TBC1D8: variants seen among roughly 807,000 people sequenced by gnomAD.
TBC1D8 encodes the protein TBC1 domain family member 8, also known as BUB2-like protein 1.
Under a neutral mutation model 118.8 loss-of-function variants are expected in TBC1D8, and 65 were observed. The observed-to-expected ratio is 0.55, with a 90% CI of 0.45 to 0.67. The LOEUF (loss-of-function observed/expected upper bound fraction) is 0.67. Among genes scored for constraint, TBC1D8 ranks in the 30% least tolerant of loss-of-function variants. TBC1D8 has a pLI of 0.00. For missense variants in TBC1D8, 1,376 were observed against 1,471.2 expected (o/e 0.94, Z 1.06); for synonymous variants, 566 against 595.8 (o/e 0.95, Z 0.73).
At chr2:101,071,634 C>A (rs1402028604) in intron 2 of TBC1D8, among the ~76,000 whole-genome samples, 3 of 151,954 alleles carry the variant, frequency 2.0e-5, no homozygotes, top group Non-Finnish European at 4.4e-5. Context: ...GAGTAGTAAA[C>A]AATGGAGAAA....
chr2:101,035,711 G>A (rs1381909464), intron 9 of TBC1D8, among the ~76,000 whole-genome samples: 1 of 152,134 alleles, frequency 6.6e-6, no homozygotes, highest in Non-Finnish European at 1.5e-5. Flanking sequence ...CACTTCCAGG[G>A]GGTTCTGAAT....
chr2:101,025,442 GT>G (rs1680285007), intron 15 of TBC1D8, among the ~76,000 whole-genome samples: 1 of 152,166 alleles, frequency 6.6e-6, no homozygotes, highest in Non-Finnish European at 1.5e-5. Flanking sequence ...GGCCAAGCTG[GT>G]CTTGAACTGC....
chr2:101,033,340 C>T (rs891885599), intron 10 of TBC1D8: 12 of 693,762 alleles, frequency 1.7e-5, no homozygotes, highest in Non-Finnish European at 2.6e-5. Flanking sequence ...GTCTCGATCT[C>T]CTGACCTCAT....
At chr2:101,012,625 CA>C (rs71378138) in intron 17 of TBC1D8, among the ~76,000 whole-genome samples, 8,330 of 135,090 alleles carry the variant, frequency 0.062, 542 homozygotes, top group African/African-American at 0.17. Context: ...TCTGAATATA[CA>C]AAAAAAAAAA....
rs78556703 is a variant in TBC1D8, at chr2:101,054,214, G to A, written c.525C>T (p.Val175=). 2,064 of 1,612,368 alleles carry A rather than the reference G, an allele frequency of 1.3e-3. 15 individuals carry two copies. In the African/African-American group the frequency reaches 0.02, roughly 16 times the overall value. The change falls in exon 4 of 20, where the codon GTC becomes GTT. Residue 175 remains valine (V), a synonymous_variant. Coordinates refer to ENST00000409318, the MANE Select transcript of TBC1D8 (RefSeq NM_001330348.2). ...TCCAACAGCAGCAGGAGTAGTAGGT[G>A]ACCAGCTTCTCCGCCTCGGGGAAGT... is the stretch of plus-strand genomic sequence containing the variant. ...RFNFPEAEKL[V]TYYSCCCWKG...
At position 101,084,849 on chromosome 2, in the gene TBC1D8, A is replaced by ATTT. The variant is rs70943062; in HGVS notation, c.283+5357_283+5359dup. 9.0e-3 allele frequency among the ~76,000 whole-genome samples: 1,225 copies of ATTT among 136,326 alleles called. 38 individuals are homozygous for ATTT. Among genetic ancestry groups the ATTT allele is most frequent in the African/African-American group, 0.028 (1,012 of 36,208 alleles). 89.4% of individuals were successfully genotyped at this position (136,326 alleles called of 152,430 possible). ...AAGTTGACATGAATGGGTATTCACT[A>ATTT]TTTTTTTTTTTTTTTTTGAGACAGA... On this transcript the variant is annotated intron_variant, in intron 2 of 19. Transcript: ENST00000409318.
chr2:101,132,168 A>C (rs1038343667), intron 1 of TBC1D8, among the ~76,000 whole-genome samples: 1 of 152,228 alleles, frequency 6.6e-6, no homozygotes, highest in African/African-American at 2.4e-5. Flanking sequence ...AGCTTATCCC[A>C]TTCACTATAT....
intron 6 of TBC1D8, among the ~76,000 whole-genome samples, chr2:101,039,095 G>T (rs1681221123): frequency 6.6e-6 from 1 of 152,154 alleles, no homozygotes; most frequent in Non-Finnish European, 1.5e-5. Flanking sequence ...TGATTTATGG[G>T]GACAGTGTTT....
intron 12 of TBC1D8, 84 bp downstream of exon 12, chr2:101,029,407 A>C (rs1680537828): frequency 1.4e-6 from 2 of 1,463,816 alleles, no homozygotes; most frequent in Non-Finnish European, 9.1e-7. Context: ...AAAAAAAAAA[A>C]AACTTCCCCA....
intron 17 of TBC1D8, among the ~76,000 whole-genome samples, chr2:101,015,341 A>G (rs1233588019): frequency 6.6e-6 from 1 of 152,234 alleles, no homozygotes; most frequent in Non-Finnish European, 1.5e-5. Context: ...GCGAGTGAAT[A>G]TGAAGGCCTA....
intron 1 of TBC1D8, among the ~76,000 whole-genome samples, chr2:101,137,627 AT>A (rs1457806819): frequency 6.6e-6 from 1 of 152,168 alleles, no homozygotes; most frequent in Non-Finnish European, 1.5e-5. Context: ...GGAAATAGAT[AT>A]TTTTTGAATC....
At chr2:101,019,069 T>C in intron 17 of TBC1D8, 1 of 1,601,312 alleles carries the variant, frequency 6.2e-7, no homozygotes, top group Non-Finnish European at 8.5e-7. Flanking sequence ...GATGAGGCCT[T>C]GGGTCTCGGC....
chr2:101,066,123 A>G (rs1682999399), intron 2 of TBC1D8, among the ~76,000 whole-genome samples: 1 of 151,914 alleles, frequency 6.6e-6, no homozygotes, highest in Non-Finnish European at 1.5e-5. Flanking sequence ...GTCTTTACTA[A>G]AAATACAAAA....
intron 1 of TBC1D8, among the ~76,000 whole-genome samples, chr2:101,093,552 T>C (rs1230611100): frequency 6.6e-6 from 1 of 151,558 alleles, no homozygotes. Flanking sequence ...TCCATTATTC[T>C]CAAAAAAAAA....
chr2:101,088,890 C>A (rs530576887), intron 2 of TBC1D8, among the ~76,000 whole-genome samples: 1 of 151,966 alleles, frequency 6.6e-6, no homozygotes, highest in Non-Finnish European at 1.5e-5. Context: ...TTCTACCGAG[C>A]ATGCATCATC....
In TBC1D8 at chr2:101,007,401, T is replaced by G. The variant is rs1293006424; in HGVS notation, c.*420A>C. 1.2e-5 allele frequency: 2 copies of G among 170,454 alleles called. No individual in the cohort carries two copies. Among genetic ancestry groups the G allele is most frequent in the Admixed American group, 1.2e-4 (2 of 16,946 alleles). 10.6% of individuals were successfully genotyped at this position (170,454 alleles called of 1,614,324 possible). On this transcript the variant is annotated 3_prime_UTR_variant, in exon 20 of 20. Transcript: ENST00000409318. ...AAAAAGCCAAATACAATTGCACAGA[T>G]AGTGGACTCCCTTAGATCTTGAAAG...
In TBC1D8 at chr2:101,151,363, C is replaced by T. The variant is rs1679561136; in HGVS notation, c.-110G>A. 2.0e-6 allele frequency: 2 copies of T among 1,021,932 alleles called. No individual in the cohort carries two copies. Among genetic ancestry groups the T allele is most frequent in the African/African-American group, 1.7e-5 (1 of 57,444 alleles). 63.3% of individuals were successfully genotyped at this position (1,021,932 alleles called of 1,614,324 possible). ...ACGGCGGCGCGCGGGGACCACAGCC[C>T]GGCCGGTGCCCAGCGCTCTGAGAGC... is the stretch of plus-strand genomic sequence containing the variant. On this transcript the variant is annotated 5_prime_UTR_variant, in exon 1 of 20. Transcript: ENST00000409318.
intron 3 of TBC1D8, among the ~76,000 whole-genome samples, chr2:101,056,727 G>A (rs776778001): frequency 1.3e-5 from 2 of 152,142 alleles, no homozygotes; most frequent in South Asian, 2.1e-4. Flanking sequence ...TGAAGGCTCC[G>A]GAGCAGACAG....
chr2:101,117,785 C>A (rs1319550424), intron 1 of TBC1D8, among the ~76,000 whole-genome samples: 3 of 151,218 alleles, frequency 2.0e-5, no homozygotes, highest in African/African-American at 7.3e-5. Flanking sequence ...CTCTGTCAGG[C>A]AGGATGGTCT....
Sources: gnomAD v4.1 joint callset for allele counts (sites outside exome capture counted in the v4.1 genomes callset) on GRCh38, gnomAD v4.1.1 for gene constraint, MANE v1.5 for transcripts, NCBI Gene and HGNC (gene_info 2026-07-23, HGNC 2026-07-21) for gene names.